The following MECR variants were observed in gnomAD, a reference collection of about 807,000 sequenced individuals.
MECR encodes the protein mitochondrial trans-2-enoyl-CoA reductase, also known as enoyl-[acyl-carrier-protein] reductase, mitochondrial.
A neutral mutation model predicts 49.1 loss-of-function variants in MECR; 37 were observed. The ratio of observed to expected loss-of-function variants is 0.75; its 90% CI spans 0.58 to 0.99. The LOEUF (loss-of-function observed/expected upper bound fraction) is 0.99, where lower values mean the gene tolerates loss of function less well. MECR is among the 50% of genes least tolerant of loss of function. The pLI, the probability that MECR is intolerant of heterozygous loss-of-function variation, is 0.00. For synonymous variants in MECR, 198 were observed against 191.1 expected (o/e 1.04, Z -0.30); for missense variants, 470 against 479.6 (o/e 0.98, Z 0.19).
chr1:29,206,746 A>C lies in MECR; in HGVS notation c.550+16T>G. ...TGCGAGACCCTGGCCTGCTCCCCCA[A>C]CCTGTGGGTTCCTACCTGGCTGCAG... On this transcript the variant is annotated intron_variant, in intron 4 of 9. Transcript: ENST00000263702. The C allele has an allele frequency of 6.2e-7, 1 of 1,613,586 alleles. No individual in the cohort carries two copies. The highest frequency in any genetic ancestry group is 1.1e-5 in the South Asian group (1 of 91,026).
the MECR span, among the ~76,000 whole-genome samples, chr1:29,187,490 G>A: frequency 1.3e-5 from 2 of 151,664 alleles, no homozygotes; most frequent in African/African-American, 4.8e-5. Flanking sequence ...GGTTACGGGC[G>A]TGAGCCACCA....
chr1:29,212,054 TAC>T (rs1421730342), intron 3 of MECR, among the ~76,000 whole-genome samples: 1 of 152,360 alleles, frequency 6.6e-6, no homozygotes, highest in African/African-American at 2.4e-5. Flanking sequence ...GTTTACTGAA[TAC>T]ACTGAGTTAA....
downstream of MECR, among the ~76,000 whole-genome samples, chr1:29,188,112 A>ATGCTAG (rs1673064955): frequency 6.8e-6 from 1 of 147,498 alleles, no homozygotes; most frequent in Non-Finnish European, 1.5e-5. Flanking sequence ...ATGGGGTTTC[A>ATGCTAG]CCATGTTGGC....
the MECR span, chr1:29,181,705 G>C: frequency 6.3e-7 from 1 of 1,596,116 alleles, no homozygotes; most frequent in Non-Finnish European, 8.5e-7. Context: ...GCTCCACATC[G>C]CGCTCCCGGG....
chr1:29,176,789 T>G, the MECR span, among the ~76,000 whole-genome samples: 4 of 152,180 alleles, frequency 2.6e-5, no homozygotes, highest in Admixed American at 2.6e-4. Flanking sequence ...TTTCTGGTAA[T>G]AATTAGATAG....
At chr1:29,222,469 A>T (rs1681008714) in intron 1 of MECR, among the ~76,000 whole-genome samples, 1 of 152,136 alleles carries the variant, frequency 6.6e-6, no homozygotes, top group South Asian at 2.1e-4. Context: ...GATTCTGACT[A>T]CACGTTAGTC....
chr1:29,216,294 C>T (rs1330300584), intron 2 of MECR, among the ~76,000 whole-genome samples, 158 bp from the exon 3 acceptor site: 1 of 152,124 alleles, frequency 6.6e-6, no homozygotes, highest in African/African-American at 2.4e-5. Context: ...TATAGGGGGA[C>T]AATATTCTTT....
At chr1:29,202,986 G>T in intron 5 of MECR, 145 bp downstream of exon 5, 2 of 614,110 alleles carry the variant, frequency 3.3e-6, no homozygotes, top group Non-Finnish European at 5.6e-6. Flanking sequence ...TGACTCATCT[G>T]TTTCAGCCGC....
intron 5 of MECR, 102 bp downstream of exon 5, chr1:29,203,029 C>T: frequency 3.3e-6 from 3 of 899,928 alleles, no homozygotes; most frequent in Non-Finnish European, 3.4e-6. Flanking sequence ...CCAGTTTATG[C>T]TTATGCAAGG....
Position 29,203,231 on chromosome 1 carries a change from C to A in MECR, c.553G>T (p.Asp185Tyr), listed in dbSNP as rs867148818. 1.3e-6 allele frequency: 2 copies of A among 1,573,828 alleles called. No homozygotes were observed. Among genetic ancestry groups the A allele is most frequent in the Non-Finnish European group, 1.7e-6 (2 of 1,155,326 alleles). Residue 185 changes from aspartate (D) to tyrosine (Y), a missense_variant and splice_region_variant, in exon 5 of 10, where the codon GAT (aspartate) becomes TAT (tyrosine). By Grantham distance (160) the Asp-to-Tyr change is radical. Coordinates refer to ENST00000263702, the MANE Select transcript of MECR (RefSeq NM_016011.5). Reference protein sequence around the residue: ...LMDFEQLQPGDSVIQNASNSG... With the variant: ...LMDFEQLQPGYSVIQNASNSG... ...TTGGATGCATTCTGGATGACAGAATCCCCTGTGGAGCCAGGAAGAGAACCA... is the reference window on the plus strand; with the variant it reads ...TTGGATGCATTCTGGATGACAGAATACCCTGTGGAGCCAGGAAGAGAACCA...
At chr1:29,189,814 C>T (rs548224812), downstream of MECR, among the ~76,000 whole-genome samples, 3 of 152,228 alleles carry the variant, frequency 2.0e-5, no homozygotes, top group South Asian at 4.2e-4. Context: ...TCTCAGAAAT[C>T]TTTTGTTCCT....
chr1:29,199,043 T>C (rs1674686820), intron 7 of MECR, among the ~76,000 whole-genome samples: 1 of 152,208 alleles, frequency 6.6e-6, no homozygotes. Context: ...CACAGTGCTC[T>C]GGCCACGTGA....
In MECR at chr1:29,194,148, G is replaced by C; in HGVS notation, c.996C>G (p.Cys332Trp). 1 of 1,613,130 alleles carries C rather than the reference G, an allele frequency of 6.2e-7. No individual in the cohort carries two copies. The highest frequency in any genetic ancestry group is 8.5e-7 in the Non-Finnish European group (1 of 1,179,538). ...DQFKELILTL[C>W]DLIRRGQLTA... ...TGAGCTGGCCTCGGCGGATGAGATC[G>C]CACAGTGTGAGGATCAGCTCCTTGA... Residue 332 changes from cysteine to tryptophan, a missense_variant, in exon 10 of 10, where the codon TGC becomes TGG. Physicochemically the swap from Cys to Trp is radical, Grantham distance 215. Transcript: ENST00000263702.
the MECR span, chr1:29,171,363 A>C: frequency 6.7e-6 from 1 of 150,018 alleles, no homozygotes; most frequent in Non-Finnish European, 1.5e-5. Context: ...GACAGGACTA[A>C]AGGAAATAGC....
downstream of MECR, among the ~76,000 whole-genome samples, chr1:29,188,452 C>T (rs1673068984): frequency 6.6e-6 from 1 of 152,050 alleles, no homozygotes; most frequent in African/African-American, 2.4e-5. Context: ...TATCTGCCTG[C>T]CTTGGCCTCC....
chr1:29,216,849 A>G (rs900528580), intron 1 of MECR, 164 bp from the exon 2 acceptor site: 1 of 1,438,504 alleles, frequency 7.0e-7, no homozygotes, highest in East Asian at 2.6e-5. Context: ...AAATCAACAC[A>G]GGAGGCTGGG....
the MECR span, among the ~76,000 whole-genome samples, chr1:29,168,170 A>G: frequency 1.3e-5 from 2 of 150,384 alleles, no homozygotes; most frequent in Non-Finnish European, 3.0e-5. Flanking sequence ...GTGCACCACC[A>G]TGCCCGGCAA....
chr1:29,214,781 C>CTG (rs977787746), intron 3 of MECR, among the ~76,000 whole-genome samples: 1 of 152,200 alleles, frequency 6.6e-6, no homozygotes, highest in African/African-American at 2.4e-5. Context: ...TCTCATTTTG[C>CTG]TGTTTGACTT....
At chr1:29,183,884 T>C in the MECR span, among the ~76,000 whole-genome samples, 3 of 149,180 alleles carry the variant, frequency 2.0e-5, no homozygotes, top group Non-Finnish European at 4.5e-5. Flanking sequence ...ATTCTACTTT[T>C]TTTTTTTTTT....
Sources: gnomAD v4.1 joint callset for allele counts (sites outside exome capture counted in the v4.1 genomes callset) on GRCh38, gnomAD v4.1.1 for gene constraint, MANE v1.5 for transcripts, NCBI Gene and HGNC (gene_info 2026-07-23, HGNC 2026-07-21) for gene names.